The following TBC1D4 variants were observed in gnomAD, a reference collection of about 807,000 sequenced individuals.
TBC1D4 encodes the protein TBC1 domain family member 4.
A neutral mutation model predicts 142.5 loss-of-function variants in TBC1D4; 121 were observed. The ratio of observed to expected loss-of-function variants is 0.85; its 90% CI spans 0.73 to 0.99. TBC1D4 has a LOEUF of 0.99. Ranked by LOEUF, TBC1D4 falls within the 50% of genes least tolerant of loss-of-function variation. The pLI is 0.00. For synonymous variants in TBC1D4, 630 were observed against 628.2 expected (o/e 1.00, Z -0.04); for missense variants, 1,475 against 1,606.6 (o/e 0.92, Z 1.40).
At chr13:75,455,492 A>C (rs1330302626) in intron 1 of TBC1D4, among the ~76,000 whole-genome samples, 1 of 152,220 alleles carries the variant, frequency 6.6e-6, no homozygotes, top group Admixed American at 6.5e-5. Context: ...CTATAGTCCC[A>C]GCTGCCTGGG....
chr13:75,459,881 G>A (rs986377083), intron 1 of TBC1D4, among the ~76,000 whole-genome samples: 1 of 152,138 alleles, frequency 6.6e-6, no homozygotes, highest in Non-Finnish European at 1.5e-5. Flanking sequence ...GGTGGCTCAC[G>A]CCTGTAATCC....
At chr13:75,344,519 T>A (rs1273171739) in intron 5 of TBC1D4, among the ~76,000 whole-genome samples, 2 of 152,112 alleles carry the variant, frequency 1.3e-5, no homozygotes, top group African/African-American at 4.8e-5. Flanking sequence ...ATGTATATTA[T>A]CCACTATGCA....
chr13:75,319,907 G>T, intron 12 of TBC1D4, 107 bp downstream of exon 12: 2 of 1,135,756 alleles, frequency 1.8e-6, no homozygotes, highest in Non-Finnish European at 1.3e-6. Context: ...CAGAAAGATG[G>T]CATGCATTCA....
At chr13:75,396,680 GA>G (rs1218253223) in intron 1 of TBC1D4, among the ~76,000 whole-genome samples, 1 of 151,546 alleles carries the variant, frequency 6.6e-6, no homozygotes, top group African/African-American at 2.4e-5. Flanking sequence ...ATAAGAAAAA[GA>G]AAAAAACAAT....
chr13:75,359,690 G>T, intron 3 of TBC1D4, 79 bp downstream of exon 3: 1 of 1,150,390 alleles, frequency 8.7e-7, no homozygotes, highest in Non-Finnish European at 1.3e-6. Flanking sequence ...ATTTGAAGGG[G>T]GTCAAGCCCA....
chr13:75,291,516 C>A (rs1310968823), intron 19 of TBC1D4, among the ~76,000 whole-genome samples: 2 of 152,098 alleles, frequency 1.3e-5, no homozygotes, highest in Non-Finnish European at 2.9e-5. Flanking sequence ...TTTGAATCAT[C>A]GGAGGGAGAA....
chr13:75,477,807 G>A (rs1888680678), intron 1 of TBC1D4, among the ~76,000 whole-genome samples: 1 of 152,174 alleles, frequency 6.6e-6, no homozygotes, highest in Non-Finnish European at 1.5e-5. Context: ...TCATGCCAAT[G>A]GGATTAAGCC....
intron 1 of TBC1D4, among the ~76,000 whole-genome samples, chr13:75,394,629 T>A (rs1452738994): frequency 6.6e-6 from 1 of 152,226 alleles, no homozygotes; most frequent in Non-Finnish European, 1.5e-5. Flanking sequence ...AAATATATTT[T>A]ATATTTCAAA....
chr13:75,356,368 A>T, intron 3 of TBC1D4, 117 bp from the exon 4 acceptor site: 3 of 764,582 alleles, frequency 3.9e-6, no homozygotes, highest in Non-Finnish European at 6.8e-6. Flanking sequence ...TCTCCTTCAC[A>T]GCAATGAAGG....
At chr13:75,384,871 T>A (rs372477854) in intron 1 of TBC1D4, among the ~76,000 whole-genome samples, 2 of 67,364 alleles carry the variant, frequency 3.0e-5, no homozygotes, top group East Asian at 9.4e-4. Flanking sequence ...TATTAAATAT[T>A]CTTAAAAATT....
rs368739025 is a variant in TBC1D4, at chr13:75,451,393, T to C, written c.498+29877A>G. Among the ~76,000 whole-genome samples the C allele has an allele frequency of 1.9e-4, 29 of 151,922 alleles. No individual in the cohort carries two copies. The East Asian group carries it at 5.2e-3, about 27-fold the overall frequency. On this transcript the variant is annotated intron_variant, in intron 1 of 20. Coordinates refer to ENST00000377636, the MANE Select transcript of TBC1D4 (RefSeq NM_014832.5). ...TCTGTTACTTATTAAGCATACATTC[T>C]AGGACTGTTTTCATTTAACTTGGCT...
At chr13:75,447,450 C>T (rs903412201) in intron 1 of TBC1D4, among the ~76,000 whole-genome samples, 2 of 150,904 alleles carry the variant, frequency 1.3e-5, no homozygotes, top group African/African-American at 2.4e-5. Context: ...CTGAAGGCTG[C>T]GATGCTGTAG....
At chr13:75,305,950 A>G (rs1376005972) in intron 15 of TBC1D4, among the ~76,000 whole-genome samples, 1 of 152,226 alleles carries the variant, frequency 6.6e-6, no homozygotes, top group African/African-American at 2.4e-5. Context: ...ATACAAGTAT[A>G]TATACACAGT....
At chr13:75,301,920 C>T (rs900715366) in intron 16 of TBC1D4, among the ~76,000 whole-genome samples, 2 of 152,162 alleles carry the variant, frequency 1.3e-5, no homozygotes, top group African/African-American at 4.8e-5. Context: ...TAAGATACAA[C>T]TATCTGCCCT....
At chr13:75,373,124 A>G (rs1251762879) in intron 1 of TBC1D4, among the ~76,000 whole-genome samples, 3 of 152,200 alleles carry the variant, frequency 2.0e-5, no homozygotes, top group African/African-American at 7.2e-5. Flanking sequence ...GGCTCAGCCC[A>G]GAGGGATCTG....
At chr13:75,461,604 T>C (rs935110675) in intron 1 of TBC1D4, among the ~76,000 whole-genome samples, 1 of 152,234 alleles carries the variant, frequency 6.6e-6, no homozygotes, top group African/African-American at 2.4e-5. Context: ...AAATGTCATA[T>C]TATTTATAGA....
intron 11 of TBC1D4, among the ~76,000 whole-genome samples, chr13:75,323,782 A>G (rs1215330595): frequency 6.6e-6 from 1 of 152,142 alleles, no homozygotes; most frequent in African/African-American, 2.4e-5. Flanking sequence ...CCTAGGAAAT[A>G]TTCTATATAC....
In TBC1D4 at chr13:75,450,482, C is replaced by CT. The variant is rs1282001789; in HGVS notation, c.498+30787dup. 3.3e-5 allele frequency among the ~76,000 whole-genome samples: 5 copies of CT among 152,082 alleles called. No individual in the cohort carries two copies. The East Asian group carries it at 5.8e-4, about 18-fold the overall frequency. ...GGATACATGCAGATATGTTTTCTGG[C>CT]TTTTTTTCCAGGAAATTTCAAATAG... On this transcript the variant is annotated intron_variant, in intron 1 of 20. Coordinates refer to ENST00000377636, the MANE Select transcript of TBC1D4 (RefSeq NM_014832.5).
At chr13:75,341,323 A>G (rs919912726) in intron 6 of TBC1D4, 88 bp from the exon 7 acceptor site, 17 of 1,408,638 alleles carry the variant, frequency 1.2e-5, no homozygotes, top group Non-Finnish European at 1.0e-6. Context: ...AATAAAGCTA[A>G]GAGTTTTAAC....
Sources: gnomAD v4.1 joint callset for allele counts (sites outside exome capture counted in the v4.1 genomes callset) on GRCh38, gnomAD v4.1.1 for gene constraint, MANE v1.5 for transcripts, NCBI Gene and HGNC (gene_info 2026-07-23, HGNC 2026-07-21) for gene names.